Variants in RXRG observed in about 807,000 individuals in gnomAD.
RXRG encodes retinoic acid receptor RXR-gamma.
RXRG carries 19 observed loss-of-function variants against 49.2 expected under a neutral mutation model. The ratio of observed to expected loss-of-function variants is 0.39; its 90% CI spans 0.27 to 0.57. The LOEUF is 0.57. RXRG is among the 20% of genes least tolerant of loss of function. The probability of loss-of-function intolerance (pLI) is 0.64; values close to 1 mark genes in which losing one functional copy is unlikely to be tolerated. For synonymous variants in RXRG, 224 were observed against 216.6 expected (o/e 1.03, Z -0.30); for missense variants, 452 against 592.5 (o/e 0.76, Z 2.46).
At chr1:165,435,436 C>G (rs748385795) in intron 1 of RXRG, among the ~76,000 whole-genome samples, 1 of 152,176 alleles carries the variant, frequency 6.6e-6, no homozygotes, top group Non-Finnish European at 1.5e-5. Flanking sequence ...GACCCGCTAG[C>G]TGGTAAAGAG....
chr1:165,438,264 G>T (rs1159291403), intron 1 of RXRG, among the ~76,000 whole-genome samples: 2 of 152,084 alleles, frequency 1.3e-5, no homozygotes, highest in East Asian at 1.9e-4. Context: ...CCAATATCAT[G>T]CTCAAAGGAA....
At chr1:165,401,884 A>G (rs951370885) in intron 9 of RXRG, among the ~76,000 whole-genome samples, 2 of 152,228 alleles carry the variant, frequency 1.3e-5, no homozygotes, top group South Asian at 2.1e-4. Context: ...TCTAGCCATC[A>G]TGCCATCAAT....
chr1:165,408,154 A>G (rs1657817671), intron 8 of RXRG, 73 bp downstream of exon 8: 2 of 1,148,266 alleles, frequency 1.7e-6, no homozygotes, highest in Non-Finnish European at 2.6e-6. Context: ...AGGACCAATA[A>G]CATGGGAGCA....
At chr1:165,426,598 A>G (rs1658494187) in intron 2 of RXRG, among the ~76,000 whole-genome samples, 1 of 152,198 alleles carries the variant, frequency 6.6e-6, no homozygotes, top group South Asian at 2.1e-4. Context: ...GACTCTAGGC[A>G]TGGTCACTGA....
chr1:165,411,181 T>A (rs1657933661), intron 4 of RXRG, 72 bp from the exon 5 acceptor site: 2 of 1,445,842 alleles, frequency 1.4e-6, no homozygotes, highest in African/African-American at 2.8e-5. Flanking sequence ...ATTACCCACA[T>A]GAGCCTCAAT....
At chr1:165,419,093 TG>T (rs1448775046) in intron 3 of RXRG, among the ~76,000 whole-genome samples, 1 of 151,930 alleles carries the variant, frequency 6.6e-6, no homozygotes, top group Non-Finnish European at 1.5e-5. Flanking sequence ...TCAAAATTGA[TG>T]GGGAGGGAAA....
chr1:165,433,629 T>C (rs1658740606), intron 1 of RXRG, among the ~76,000 whole-genome samples: 1 of 152,250 alleles, frequency 6.6e-6, no homozygotes, highest in Non-Finnish European at 1.5e-5. Context: ...CTCCTGGGTC[T>C]CATTTCCCCC....
At chr1:165,439,937 T>G (rs375783248) in intron 1 of RXRG, among the ~76,000 whole-genome samples, 2 of 152,114 alleles carry the variant, frequency 1.3e-5, no homozygotes, top group Admixed American at 1.3e-4. Context: ...TGAGTGGCTG[T>G]TATGTGGAAA....
intron 9 of RXRG, among the ~76,000 whole-genome samples, chr1:165,403,931 G>A (rs1657663927): frequency 1.3e-5 from 2 of 152,352 alleles, no homozygotes; most frequent in Admixed American, 6.5e-5. Flanking sequence ...GCAGCAAGGG[G>A]CATTTATGCC....
chr1:165,427,960 C>A (rs1285228558), intron 2 of RXRG, among the ~76,000 whole-genome samples: 1 of 152,184 alleles, frequency 6.6e-6, no homozygotes, highest in East Asian at 1.9e-4. Context: ...CTGTCCTAGC[C>A]TAAGGTAGAC....
intron 9 of RXRG, 110 bp from the exon 10 acceptor site, chr1:165,401,520 G>A (rs283690): frequency 0.55 from 683,951 of 1,245,492 alleles, 193,660 homozygotes; most frequent in African/African-American, 0.83. Flanking sequence ...TGTGATAAAA[G>A]AGCTGGAAGG....
chr1:165,432,983 A>G (rs1658715869), intron 1 of RXRG, among the ~76,000 whole-genome samples: 1 of 152,200 alleles, frequency 6.6e-6, no homozygotes, highest in South Asian at 2.1e-4. Flanking sequence ...TTTGGAAGTG[A>G]GTAGGCCATG....
chr1:165,409,043 G>A (rs1657849301), intron 7 of RXRG, among the ~76,000 whole-genome samples: 1 of 152,064 alleles, frequency 6.6e-6, no homozygotes, highest in Non-Finnish European at 1.5e-5. Flanking sequence ...TTCTGTCAGG[G>A]TATCCCTGCC....
chr1:165,410,932 T>G lies in RXRG; in HGVS notation c.783+17A>C, dbSNP rs1427895810. 3.7e-6 allele frequency: 6 copies of G among 1,613,818 alleles called. No homozygotes were observed. The highest frequency in any genetic ancestry group is 5.1e-6 in the Non-Finnish European group (6 of 1,179,892). On this transcript the variant is annotated intron_variant, in intron 5 of 9. Coordinates refer to ENST00000359842, the MANE Select transcript of RXRG (RefSeq NM_006917.5). Reference sequence around the variant, plus strand: ...ACCCAAGAAATGGAACACACATGTGTGTCTAAGAGCACATACCGAGTTCTC... The same window carrying G: ...ACCCAAGAAATGGAACACACATGTGGGTCTAAGAGCACATACCGAGTTCTC...
At chr1:165,434,542 C>G (rs982365105) in intron 1 of RXRG, among the ~76,000 whole-genome samples, 2 of 152,202 alleles carry the variant, frequency 1.3e-5, no homozygotes, top group Non-Finnish European at 2.9e-5. Context: ...ATTAGCAACC[C>G]TCTTCAGGTT....
chr1:165,429,061 C>T lies in RXRG; in HGVS notation c.50-95G>A, dbSNP rs532208042. On this transcript the variant is annotated intron_variant, in intron 1 of 9. Transcript: ENST00000359842. Reference sequence around the variant, plus strand: ...TAGCCCCACCTTTCTTTCCTGTATCCTGCCCCTCTTTTAGCCACACCTACA... The same window carrying T: ...TAGCCCCACCTTTCTTTCCTGTATCTTGCCCCTCTTTTAGCCACACCTACA... 1.6e-5 allele frequency: 22 copies of T among 1,385,370 alleles called. 1 individual carries two copies. The South Asian group carries it at 2.9e-4, about 18-fold the overall frequency. The allele number at this position is 1,385,370 out of a possible 1,614,324, so 85.8% of individuals were successfully genotyped here. A position where few individuals can be genotyped will look rare whatever the true frequency, so the allele number is the denominator to read the frequency against.
At chr1:165,423,925 A>C (rs555128876) in intron 2 of RXRG, among the ~76,000 whole-genome samples, 2 of 152,172 alleles carry the variant, frequency 1.3e-5, no homozygotes, top group Non-Finnish European at 2.9e-5. Context: ...ATGCAAACAG[A>C]CTCAAGAGGA....
At chr1:165,402,689 T>C (rs1416898505) in intron 9 of RXRG, among the ~76,000 whole-genome samples, 1 of 151,010 alleles carries the variant, frequency 6.6e-6, no homozygotes, top group Non-Finnish European at 1.5e-5. Context: ...TGCCCACTCA[T>C]GCACACTTTC....
chr1:165,417,826 G>C (rs1658174592), intron 3 of RXRG, among the ~76,000 whole-genome samples: 1 of 152,102 alleles, frequency 6.6e-6, no homozygotes, highest in Admixed American at 6.5e-5. Context: ...TTTGCAGCCG[G>C]GCATGGTGGC....
Sources: gnomAD v4.1 joint callset for allele counts (sites outside exome capture counted in the v4.1 genomes callset) on GRCh38, gnomAD v4.1.1 for gene constraint, MANE v1.5 for transcripts, NCBI Gene and HGNC (gene_info 2026-07-23, HGNC 2026-07-21) for gene names.